DNAH6: variants seen among roughly 807,000 people sequenced by gnomAD.
The protein encoded by DNAH6 is axonemal beta dynein heavy chain 6.
Under a neutral mutation model 491.4 loss-of-function variants are expected in DNAH6, and 340 were observed. The ratio of observed to expected loss-of-function variants is 0.69; its 90% CI spans 0.63 to 0.76. The LOEUF is 0.76. Ranked by LOEUF, DNAH6 falls within the 30% of genes least tolerant of loss-of-function variation. The pLI, the probability that DNAH6 is intolerant of heterozygous loss-of-function variation, is 0.00. For missense variants in DNAH6, 4,443 were observed against 4,972.2 expected (o/e 0.89, Z 3.20); for synonymous variants, 1,603 against 1,686.1 (o/e 0.95, Z 1.21).
intron 37 of DNAH6, among the ~76,000 whole-genome samples, chr2:84,665,156 A>G (rs1014684152): frequency 9.2e-5 from 14 of 152,238 alleles, no homozygotes; most frequent in Non-Finnish European, 1.8e-4. Flanking sequence ...GGAAAGATCT[A>G]AAATTGACAC....
At chr2:84,781,449 T>C (rs923673225) in intron 64 of DNAH6, 44 bp from the exon 65 acceptor site, 40 of 1,482,762 alleles carry the variant, frequency 2.7e-5, no homozygotes, top group Non-Finnish European at 3.4e-5. Context: ...GATTTTGCTT[T>C]AAAATAGCAT....
intron 33 of DNAH6, among the ~76,000 whole-genome samples, chr2:84,643,128 G>A (rs1489438929): frequency 6.6e-6 from 1 of 151,984 alleles, no homozygotes; most frequent in African/African-American, 2.4e-5. Flanking sequence ...CACTTTTGAA[G>A]GATAATTTCA....
At chr2:84,772,503 TATA>T (rs1423849101) in intron 64 of DNAH6, among the ~76,000 whole-genome samples, 1 of 152,050 alleles carries the variant, frequency 6.6e-6, no homozygotes, top group African/African-American at 2.4e-5. Flanking sequence ...CTGAAGTGGC[TATA>T]ATAATATCAG....
chr2:84,679,343 G>A (rs1056557082), intron 41 of DNAH6, among the ~76,000 whole-genome samples: 3 of 152,162 alleles, frequency 2.0e-5, no homozygotes, highest in Middle Eastern at 3.2e-3. Flanking sequence ...TACATTATAA[G>A]TGACTCTTTC....
At chr2:84,796,249 T>C (rs1015312268) in intron 68 of DNAH6, 57 bp from the exon 69 acceptor site, 5 of 1,140,342 alleles carry the variant, frequency 4.4e-6, no homozygotes, top group Non-Finnish European at 6.0e-6. Context: ...TAAAATTAGG[T>C]ATGCCTATCA....
intron 40 of DNAH6, among the ~76,000 whole-genome samples, chr2:84,672,838 G>A (rs1692865218): frequency 6.6e-6 from 1 of 152,156 alleles, no homozygotes; most frequent in African/African-American, 2.4e-5. Flanking sequence ...GTCACATTCT[G>A]AGACCCTGAG....
chr2:84,582,609 G>A (rs1010497931), intron 14 of DNAH6, among the ~76,000 whole-genome samples: 1 of 152,072 alleles, frequency 6.6e-6, no homozygotes, highest in African/African-American at 2.4e-5. Context: ...CCGCCACTGC[G>A]CCCAGCTAAT....
At chr2:84,577,123 A>G (rs1482553563) in intron 12 of DNAH6, 134 bp from the exon 13 acceptor site, 1 of 477,582 alleles carries the variant, frequency 2.1e-6, no homozygotes, top group Non-Finnish European at 3.4e-6. Context: ...TACATGAGAT[A>G]CTCTAAGTAC....
chr2:84,475,043 GT>G, the DNAH6 span, among the ~76,000 whole-genome samples: 1 of 152,230 alleles, frequency 6.6e-6, no homozygotes, highest in Non-Finnish European at 1.5e-5. Flanking sequence ...AGACCACGGA[GT>G]TGAGGAACTA....
rs77406131 is a variant in DNAH6, at chr2:84,674,928, C to T, written c.6613-2077C>T. Among the ~76,000 whole-genome samples, 647 of 152,304 alleles carry T rather than the reference C, an allele frequency of 4.2e-3. 3 individuals carry two copies. Among genetic ancestry groups the T allele is most frequent in the African/African-American group, 0.015 (606 of 41,572 alleles). ...TCCGAGGGTCTTTTGCTGCTCCCTG[C>T]ACATGCCCCACAGTCCCACTGAGGC... is the stretch of plus-strand genomic sequence containing the variant. On this transcript the variant is annotated intron_variant, in intron 40 of 76. Coordinates refer to ENST00000389394, the MANE Select transcript of DNAH6 (RefSeq NM_001370.2).
chr2:84,543,142 G>A (rs10779965), intron 4 of DNAH6, among the ~76,000 whole-genome samples: 124,436 of 152,164 alleles, frequency 0.82, 53,465 homozygotes, highest in East Asian at 0.99. Context: ...CTGGGCAACA[G>A]AGCGAGACTC....
At chr2:84,517,363 A>C (rs975813193) in intron 1 of DNAH6, among the ~76,000 whole-genome samples, 1 of 152,172 alleles carries the variant, frequency 6.6e-6, no homozygotes, top group African/African-American at 2.4e-5. Flanking sequence ...ATTAGCCCTC[A>C]ATTCTTTTTT....
chr2:84,793,477 A>G lies in DNAH6; in HGVS notation c.11240-2829A>G, dbSNP rs539984839. Among the ~76,000 whole-genome samples the G allele has an allele frequency of 2.0e-4, 31 of 151,834 alleles. No individual in the cohort carries two copies. In the South Asian group the frequency reaches 6.4e-3, roughly 31 times the overall value. ...TTAGTTAGAAACTTATTTTAGAATA[A>G]TGTATGTTAGGACACCCTTCTTCCC... On this transcript the variant is annotated intron_variant, in intron 68 of 76. Transcript: ENST00000389394.
At chr2:84,497,038 T>C in the DNAH6 span, among the ~76,000 whole-genome samples, 2 of 151,088 alleles carry the variant, frequency 1.3e-5, no homozygotes, top group Non-Finnish European at 2.9e-5. Flanking sequence ...TGACACGATC[T>C]TGGCTCTCTG....
In DNAH6 at chr2:84,707,020, G is replaced by A; in HGVS notation, c.8851+1G>A. ...GGTGTAAATGAAAAAGAAAGCCTGG[G>A]TAAGTAACTCATAAAATTTACATTG... On this transcript the variant is annotated splice_donor_variant, in intron 53 of 76. Transcript: ENST00000389394. LOFTEE classifies it high-confidence loss of function. The A allele has an allele frequency of 6.6e-7, 1 of 1,504,016 alleles. No individual in the cohort carries two copies. Among genetic ancestry groups the A allele is most frequent in the Non-Finnish European group, 8.8e-7 (1 of 1,134,544 alleles). The allele number at this position is 1,504,016 out of a possible 1,614,324, so 93.2% of individuals were successfully genotyped here.
At chr2:84,710,441 C>T (rs1308473677) in intron 56 of DNAH6, 29 bp downstream of exon 56, 10 of 1,549,220 alleles carry the variant, frequency 6.5e-6, no homozygotes, top group Non-Finnish European at 5.2e-6. Flanking sequence ...TTTCTCATGT[C>T]AGTTCCCAAC....
chr2:84,659,792 T>A (rs1012905700), intron 37 of DNAH6, among the ~76,000 whole-genome samples: 3 of 152,052 alleles, frequency 2.0e-5, no homozygotes, highest in Non-Finnish European at 4.4e-5. Context: ...GACCAGCCTG[T>A]GCAATATAGC....
intron 62 of DNAH6, among the ~76,000 whole-genome samples, chr2:84,740,730 A>T (rs547011081): frequency 6.6e-6 from 1 of 152,150 alleles, no homozygotes; most frequent in Admixed American, 6.5e-5. Flanking sequence ...GTTATGACCC[A>T]TGCAGACCAG....
chr2:84,594,991 A>C (rs564389648), intron 17 of DNAH6, among the ~76,000 whole-genome samples: 79 of 152,230 alleles, frequency 5.2e-4, no homozygotes, highest in Non-Finnish European at 8.4e-4. Flanking sequence ...TCTTGAGAAG[A>C]AGCAGCTTAA....
Sources: gnomAD v4.1 joint callset for allele counts (sites outside exome capture counted in the v4.1 genomes callset) on GRCh38, gnomAD v4.1.1 for gene constraint, MANE v1.5 for transcripts, NCBI Gene and HGNC (gene_info 2026-07-23, HGNC 2026-07-21) for gene names.